Variants in RMP24 observed in about 807,000 individuals in gnomAD.
The protein encoded by RMP24 is ribonuclease MRP subunit p24, also known as ribonuclease MRP protein subunit p24.
the RMP24 span, chr18:35,974,993 A>T: frequency 6.2e-7 from 1 of 1,614,174 alleles, no homozygotes; most frequent in Non-Finnish European, 8.5e-7. Context: ...CCAGGTTGAC[A>T]CCCAAAATAC....
the RMP24 span, chr18:35,973,059 C>A: frequency 9.8e-7 from 1 of 1,018,168 alleles, no homozygotes; most frequent in Non-Finnish European, 1.5e-6. Flanking sequence ...GTGAAAAATC[C>A]AAATTCTTTA....
At chr18:35,977,391 T>C in the RMP24 span, 8 of 1,595,830 alleles carry the variant, frequency 5.0e-6, no homozygotes, top group South Asian at 1.1e-5. Context: ...GGGACTGATA[T>C]TTCTTATTTT....
the RMP24 span, among the ~76,000 whole-genome samples, chr18:35,978,611 CA>C: frequency 1.2e-3 from 167 of 144,710 alleles, 2 homozygotes; most frequent in East Asian, 0.013. Flanking sequence ...ACTCCGTCTC[CA>C]AAAAAAAAAA....
At chr18:35,972,904 C>T in the RMP24 span, 33 of 1,614,080 alleles carry the variant, frequency 2.0e-5, no homozygotes, top group South Asian at 1.6e-4. Flanking sequence ...CACTTCGTCG[C>T]ACGGTAAGAA....
the RMP24 span, chr18:35,979,077 A>G: frequency 7.1e-7 from 1 of 1,408,030 alleles, no homozygotes; most frequent in Non-Finnish European, 9.6e-7. Context: ...CATTTTTTGA[A>G]TACATGGAAA....
At chr18:35,978,122 T>C in the RMP24 span, among the ~76,000 whole-genome samples, 1 of 152,252 alleles carries the variant, frequency 6.6e-6, no homozygotes, top group African/African-American at 2.4e-5. Flanking sequence ...TTGTCAGGAC[T>C]ACTGCAGTGA....
At chr18:35,978,786 A>G in the RMP24 span, 1 of 1,495,798 alleles carries the variant, frequency 6.7e-7, no homozygotes, top group Non-Finnish European at 9.0e-7. Context: ...AGAGTAGAAA[A>G]TGATTGTCAT....
chr18:35,978,019 C>T, the RMP24 span, among the ~76,000 whole-genome samples: 12 of 152,136 alleles, frequency 7.9e-5, no homozygotes, highest in African/African-American at 2.2e-4. Context: ...TCCTTGTCAC[C>T]GATTTCTATA....
chr18:35,972,767 A>G, the RMP24 span: 3 of 1,613,664 alleles, frequency 1.9e-6, no homozygotes, highest in African/African-American at 4.0e-5. Flanking sequence ...CAGCGCGGGG[A>G]CTGCACGACA....
chr18:35,973,147 G>C, the RMP24 span: 2 of 603,860 alleles, frequency 3.3e-6, no homozygotes, highest in South Asian at 4.1e-5. Flanking sequence ...TGGCTTCTAG[G>C]TCATTACGTA....
chr18:35,974,953 A>T, the RMP24 span: 1 of 1,614,172 alleles, frequency 6.2e-7, no homozygotes, highest in Non-Finnish European at 8.5e-7. Context: ...TTGGTTCTGG[A>T]TAACTCTCGA....
the RMP24 span, chr18:35,977,708 C>A: frequency 8.9e-7 from 1 of 1,128,330 alleles, no homozygotes; most frequent in Non-Finnish European, 1.2e-6. Flanking sequence ...AGGACTTGGC[C>A]ATTTTTCCTC....
the RMP24 span, chr18:35,978,930 A>C: frequency 6.2e-7 from 1 of 1,613,380 alleles, no homozygotes; most frequent in Non-Finnish European, 8.5e-7. Context: ...TTACTTAGTC[A>C]GAATGAATCC....
the RMP24 span, chr18:35,972,971 CAACGCTCAAATA>C: frequency 1.2e-6 from 2 of 1,601,250 alleles, no homozygotes. Flanking sequence ...CTGTTCCGCA[CAACGCTCAAATA>C]AGGCCGATGG....
chr18:35,978,874 A>G, the RMP24 span: 1 of 1,612,476 alleles, frequency 6.2e-7, no homozygotes, highest in Non-Finnish European at 8.5e-7. Flanking sequence ...CTTGCTCCTC[A>G]AAGAACACCA....
the RMP24 span, among the ~76,000 whole-genome samples, chr18:35,975,921 A>G: frequency 1.4e-4 from 22 of 152,294 alleles, 1 homozygote; most frequent in East Asian, 4.0e-3. Flanking sequence ...AAGAAGAGAT[A>G]GAATATTGAA....
chr18:35,978,773 A>C, the RMP24 span: 2 of 1,463,048 alleles, frequency 1.4e-6, no homozygotes. Context: ...GCCATAATAC[A>C]AAAGAGTAGA....
chr18:35,976,137 G>GTTTTT, the RMP24 span, among the ~76,000 whole-genome samples: 1 of 100,920 alleles, frequency 9.9e-6, no homozygotes, highest in African/African-American at 3.7e-5. Context: ...TTGTTTTTCT[G>GTTTTT]ATTTTTTTTT....
the RMP24 span, chr18:35,979,205 A>G: frequency 1.3e-5 from 6 of 448,454 alleles, no homozygotes; most frequent in East Asian, 1.9e-4. Context: ...ATCAAAAAAT[A>G]TATGAAAGTT....
Sources: gnomAD v4.1 joint callset for allele counts (sites outside exome capture counted in the v4.1 genomes callset) on GRCh38, gnomAD v4.1.1 for gene constraint, MANE v1.5 for transcripts, NCBI Gene and HGNC (gene_info 2026-07-23, HGNC 2026-07-21) for gene names.